The following SMARCA2 variants were observed in gnomAD, a reference collection of about 807,000 sequenced individuals.
SMARCA2 encodes SWI/SNF related BAF chromatin remodeling complex subunit ATPase 2.
In SMARCA2, 61 loss-of-function variants were observed where a neutral mutation model predicts 199.8. That is an observed-to-expected ratio of 0.31 (90% CI 0.25 to 0.38). SMARCA2 has a LOEUF of 0.38. Ranked by LOEUF, SMARCA2 falls within the 10% of genes least tolerant of loss-of-function variation. The probability of loss-of-function intolerance (pLI) is 1.00; values close to 1 mark genes in which losing one functional copy is unlikely to be tolerated. For missense variants in SMARCA2, 1,344 were observed against 2,012.2 expected, an observed-to-expected ratio of 0.67 and a Z score of 6.35; for synonymous variants, 935 against 732.0, an observed-to-expected ratio of 1.28 and a Z score of -4.48.
chr9:2,075,135 T>G (rs552958946), intron 12 of SMARCA2: 12 of 152,396 alleles, frequency 7.9e-5, no homozygotes, highest in African/African-American at 2.9e-4. Flanking sequence ...CTGCTGCAGG[T>G]GAGCCTGAGT....
chr9:2,061,032 G>A (rs958800010), intron 9 of SMARCA2, 46 bp downstream of exon 9: 2 of 1,578,808 alleles, frequency 1.3e-6, no homozygotes, highest in East Asian at 2.3e-5. Context: ...GTATGGGCAG[G>A]GATAAGTTTT....
intron 7 of SMARCA2, among the ~76,000 whole-genome samples, chr9:2,057,861 G>A (rs1166758909): frequency 6.6e-6 from 1 of 152,140 alleles, no homozygotes; most frequent in African/African-American, 2.4e-5. Flanking sequence ...AACTTATTTT[G>A]TGTCATACTC....
intron 29 of SMARCA2, among the ~76,000 whole-genome samples, chr9:2,175,802 C>G (rs1407549045): frequency 6.6e-6 from 1 of 152,000 alleles, no homozygotes; most frequent in African/African-American, 2.4e-5. Flanking sequence ...TTTTCAATGC[C>G]TTTTTTAAAT....
chr9:2,160,919 C>T (rs1825638809), intron 27 of SMARCA2: 1 of 307,548 alleles, frequency 3.3e-6, no homozygotes, highest in African/African-American at 2.2e-5. Context: ...GGGTCTGTCA[C>T]ATGGATCTTT....
chr9:2,142,630 C>T (rs967926656), intron 27 of SMARCA2, among the ~76,000 whole-genome samples: 1 of 152,140 alleles, frequency 6.6e-6, no homozygotes, highest in African/African-American at 2.4e-5. Flanking sequence ...GTCTTCAAGC[C>T]GTTTAACTCT....
intron 12 of SMARCA2, among the ~76,000 whole-genome samples, chr9:2,074,391 A>G (rs1182673443): frequency 6.6e-6 from 1 of 152,198 alleles, no homozygotes; most frequent in Non-Finnish European, 1.5e-5. Flanking sequence ...GTGCCGTAGT[A>G]TAGGTGCCGA....
At chr9:2,079,130 C>T (rs565510390) in intron 14 of SMARCA2, among the ~76,000 whole-genome samples, 19 of 152,222 alleles carry the variant, frequency 1.2e-4, no homozygotes, top group Admixed American at 5.9e-4. Flanking sequence ...CAACCAGATA[C>T]GGTCACTCTG....
intron 3 of SMARCA2, among the ~76,000 whole-genome samples, chr9:2,035,226 G>A (rs1586630566): frequency 6.6e-6 from 1 of 151,964 alleles, no homozygotes; most frequent in East Asian, 1.9e-4. Context: ...ATTTTTAATA[G>A]AGACAGGGTT....
At chr9:2,158,869 C>T (rs1298105740) in intron 27 of SMARCA2, 6 of 1,429,374 alleles carry the variant, frequency 4.2e-6, no homozygotes, top group Non-Finnish European at 5.7e-6. Context: ...TTAGAAATCA[C>T]AGAACATAAA....
Position 2,061,005 on chromosome 9 carries a change from G to T in SMARCA2, c.1692+19G>T. The T allele has an allele frequency of 2.5e-6, 4 of 1,610,856 alleles. No homozygotes were observed. The highest frequency in any genetic ancestry group is 1.1e-5 in the South Asian group (1 of 90,664). ...GAAGAAGGTGCGTATCCTAGTGGTG[G>T]TGGCTGAGTCCAGGGTGTATGGGCA... On this transcript the variant is annotated intron_variant, in intron 9 of 33. Transcript: ENST00000349721.
chr9:2,016,757 C>T lies in SMARCA2; in HGVS notation c.-37+1353C>T, dbSNP rs1818370692. Reference sequence around the variant, plus strand: ...GACACGCACTCCTTCCTTCTCGCTCCCTGCTCAGGAGTTTGCTTTATTCCC... The same window carrying T: ...GACACGCACTCCTTCCTTCTCGCTCTCTGCTCAGGAGTTTGCTTTATTCCC... On this transcript the variant is annotated intron_variant, in intron 1 of 33. Transcript: ENST00000349721. The surrounding 1 kb of genome is among the most constrained non-coding windows in gnomAD (Gnocchi z 5.6). 2.0e-5 allele frequency among the ~76,000 whole-genome samples: 3 copies of T among 152,288 alleles called. No homozygotes were observed. Among genetic ancestry groups the T allele is most frequent in the South Asian group, 4.1e-4 (2 of 4,830 alleles).
chr9:2,036,859 T>C (rs1819357312), intron 3 of SMARCA2, among the ~76,000 whole-genome samples: 1 of 152,216 alleles, frequency 6.6e-6, no homozygotes, highest in Admixed American at 6.5e-5. Flanking sequence ...TGTTCATAGT[T>C]TAAAAGAGTG....
chr9:2,173,377 T>C (rs1260753650), intron 29 of SMARCA2, among the ~76,000 whole-genome samples: 1 of 152,204 alleles, frequency 6.6e-6, no homozygotes, highest in Admixed American at 6.5e-5. Flanking sequence ...CCAGACATCT[T>C]GTATTACTGT....
rs1819964461 is a variant in SMARCA2, at chr9:2,048,221, T to TAAG, written c.1046+737_1046+738insAAG. Reference sequence around the variant, plus strand: ...GTGTTTACGAGACCCCTGATGTAAATGGTTAATGTCAACCCAAAAGGGAGT... The same window carrying TAAG: ...GTGTTTACGAGACCCCTGATGTAAATAAGGGTTAATGTCAACCCAAAAGGGAGT... On this transcript the variant is annotated intron_variant, in intron 5 of 33. Transcript: ENST00000349721. Among the ~76,000 whole-genome samples, 4 of 152,098 alleles carry TAAG rather than the reference T, an allele frequency of 2.6e-5. No homozygotes were observed. In the South Asian group the frequency reaches 8.3e-4, roughly 32 times the overall value.
At position 2,170,391 on chromosome 9, in the gene SMARCA2, C is replaced by T. The variant is rs764881689; in HGVS notation, c.4200-28C>T. ...GGGGACGAGAACCCAGGTCTTCTGA[C>T]TCTAGTGTTCTTTCTACTCTACCGC... On this transcript the variant is annotated intron_variant, in intron 28 of 33. Transcript: ENST00000349721. This position sits in a 1 kb window ranked among gnomAD's most constrained non-coding sequence, Gnocchi z 4.7. 5 of 1,613,882 alleles carry T rather than the reference C, an allele frequency of 3.1e-6. No homozygotes were observed. Among genetic ancestry groups the T allele is most frequent in the African/African-American group, 2.7e-5 (2 of 75,032 alleles).
intron 27 of SMARCA2, chr9:2,160,926 C>CTTT (rs1752035344): frequency 7.1e-6 from 2 of 282,848 alleles, no homozygotes; most frequent in Admixed American, 9.9e-5. Flanking sequence ...TCACATGGAT[C>CTTT]TTTTAGCCCT....
intron 27 of SMARCA2, among the ~76,000 whole-genome samples, chr9:2,127,943 C>T (rs1823767548): frequency 6.6e-6 from 1 of 150,478 alleles, no homozygotes; most frequent in African/African-American, 2.5e-5. Flanking sequence ...TCAGGAGGAT[C>T]ACAATTTCAA....
chr9:2,154,139 C>G (rs1825217699), intron 27 of SMARCA2, among the ~76,000 whole-genome samples: 1 of 152,208 alleles, frequency 6.6e-6, no homozygotes, highest in African/African-American at 2.4e-5. Context: ...GTTTCCTCAT[C>G]TGCAAAATGC....
chr9:2,083,685 G>T (rs144874723), intron 16 of SMARCA2, among the ~76,000 whole-genome samples: 10 of 152,320 alleles, frequency 6.6e-5, no homozygotes, highest in Admixed American at 6.5e-4. Flanking sequence ...CACATTCTGC[G>T]TGCTGCTGAC....
Sources: gnomAD v4.1 joint callset for allele counts (sites outside exome capture counted in the v4.1 genomes callset) on GRCh38, gnomAD v4.1.1 for gene constraint, Gnocchi (gnomAD v3.1) non-coding constraint, MANE v1.5 for transcripts, NCBI Gene and HGNC (gene_info 2026-07-23, HGNC 2026-07-21) for gene names.